AIG1: variants seen among roughly 807,000 people sequenced by gnomAD.
AIG1 encodes the protein androgen-induced gene 1 protein.
AIG1 carries 23 observed loss-of-function variants against 31.4 expected under a neutral mutation model. The observed-to-expected ratio is 0.73, with a 90% confidence interval of 0.53 to 1.04. The LOEUF is 1.04. Among genes scored for constraint, AIG1 ranks in the 50% least tolerant of loss-of-function variants. AIG1 has a pLI of 0.00. For synonymous variants in AIG1, 100 were observed against 110.5 expected (o/e 0.90, Z 0.60); for missense variants, 274 against 295.0 (o/e 0.93, Z 0.52).
At chr6:143,197,715 A>G (rs1161489259) in intron 3 of AIG1, among the ~76,000 whole-genome samples, 1 of 152,212 alleles carries the variant, frequency 6.6e-6, no homozygotes, top group Non-Finnish European at 1.5e-5. Context: ...GCCAGCCTAG[A>G]TCCTTGAATA....
Position 143,093,668 on chromosome 6 carries a change from A to G in AIG1, c.141+32602A>G, listed in dbSNP as rs79153686. On this transcript the variant is annotated intron_variant, in intron 1 of 5. Coordinates refer to ENST00000357847, the MANE Select transcript of AIG1 (RefSeq NM_016108.4). Reference sequence around the variant, plus strand: ...TCTGGTTTCCTCACCAGGCTTAATCATTTCTAGCTTTTGCTTTAAAGTGAG... The same window carrying G: ...TCTGGTTTCCTCACCAGGCTTAATCGTTTCTAGCTTTTGCTTTAAAGTGAG... Among the ~76,000 whole-genome samples, 1,464 of 152,222 alleles carry G rather than the reference A, an allele frequency of 9.6e-3. 17 individuals are homozygous for G. The highest frequency in any genetic ancestry group is 0.026 in the African/African-American group (1,100 of 41,514).
chr6:143,260,017 CTTT>C (rs35620148), intron 3 of AIG1, among the ~76,000 whole-genome samples: 8 of 85,110 alleles, frequency 9.4e-5, no homozygotes, highest in Admixed American at 3.0e-4. Flanking sequence ...TCTTGTGCTT[CTTT>C]TTTTTTTTTT....
chr6:143,193,034 A>G (rs1008475696), intron 3 of AIG1, among the ~76,000 whole-genome samples: 3 of 152,224 alleles, frequency 2.0e-5, no homozygotes, highest in Non-Finnish European at 2.9e-5. Flanking sequence ...GAATCTGTCC[A>G]TGATGGTGCA....
chr6:143,341,909 G>A (rs1332641355), downstream of AIG1, among the ~76,000 whole-genome samples: 2 of 152,100 alleles, frequency 1.3e-5, no homozygotes, highest in African/African-American at 4.8e-5. Context: ...CTGGGATATC[G>A]AATGAAGGTA....
chr6:143,191,928 T>TA (rs34004901), intron 3 of AIG1, among the ~76,000 whole-genome samples: 62,139 of 152,038 alleles, frequency 0.41, 13,473 homozygotes, highest in Non-Finnish European at 0.49. Flanking sequence ...AAAGTTTTGT[T>TA]ATATAAGTGG....
chr6:143,082,188 C>T (rs554472598), intron 1 of AIG1, among the ~76,000 whole-genome samples: 28 of 152,260 alleles, frequency 1.8e-4, no homozygotes, highest in Middle Eastern at 3.4e-3. Flanking sequence ...GCCTGAGTGA[C>T]GGCTATTAGT....
At chr6:143,144,264 A>C (rs73777889) in intron 2 of AIG1, among the ~76,000 whole-genome samples, 112 of 152,332 alleles carry the variant, frequency 7.4e-4, no homozygotes, top group African/African-American at 2.6e-3. Context: ...AGTTCTTGTT[A>C]AATCAGTGAT....
chr6:143,230,473 T>C (rs921900096), intron 3 of AIG1, among the ~76,000 whole-genome samples: 2 of 150,016 alleles, frequency 1.3e-5, no homozygotes, highest in Non-Finnish European at 3.0e-5. Flanking sequence ...AAATAAGATA[T>C]ACTATTAAAG....
At chr6:143,290,009 G>C (rs1797946862) in intron 4 of AIG1, among the ~76,000 whole-genome samples, 1 of 152,112 alleles carries the variant, frequency 6.6e-6, no homozygotes, top group South Asian at 2.1e-4. Flanking sequence ...CACCATAGCT[G>C]TTGACTTTTA....
intron 3 of AIG1, among the ~76,000 whole-genome samples, chr6:143,191,473 A>T (rs1005261045): frequency 6.6e-6 from 1 of 152,178 alleles, no homozygotes; most frequent in African/African-American, 2.4e-5. Context: ...ACAGAAAAAA[A>T]ACTTACTTGT....
chr6:143,236,609 C>A (rs1363804979), intron 3 of AIG1, among the ~76,000 whole-genome samples: 2 of 152,228 alleles, frequency 1.3e-5, no homozygotes, highest in African/African-American at 4.8e-5. Context: ...TCCAGCCAAG[C>A]TGGCAACCGT....
chr6:143,304,356 G>A (rs1186453737), intron 4 of AIG1, among the ~76,000 whole-genome samples: 8 of 151,168 alleles, frequency 5.3e-5, no homozygotes, highest in Admixed American at 3.9e-4. Context: ...GATATTGGCT[G>A]TGGGTTTGTC....
At chr6:143,290,461 G>A (rs571189844) in intron 4 of AIG1, among the ~76,000 whole-genome samples, 9 of 152,298 alleles carry the variant, frequency 5.9e-5, no homozygotes, top group Admixed American at 1.3e-4. Context: ...TGTGTTTACC[G>A]GAGTTGCGCG....
rs140549497 is a variant in AIG1 at position 143,212,505 on chromosome 6, G to A, written c.399+47322G>A. ...GTTTTCTACCTCACTCTTAGAACAG[G>A]GTCTAAGGCAATGACTTCCAGACAC... On this transcript the variant is annotated intron_variant, in intron 3 of 5. Coordinates refer to ENST00000357847, the MANE Select transcript of AIG1 (RefSeq NM_016108.4). Among the ~76,000 whole-genome samples the A allele has an allele frequency of 7.7e-4, 117 of 152,160 alleles. 2 individuals are homozygous for A. The highest frequency in any genetic ancestry group is 2.7e-3 in the African/African-American group (111 of 41,508).
At chr6:143,062,979 G>A (rs1776388291) in intron 1 of AIG1, among the ~76,000 whole-genome samples, 1 of 152,212 alleles carries the variant, frequency 6.6e-6, no homozygotes, top group Non-Finnish European at 1.5e-5. Context: ...CACTCTTGCA[G>A]TAGATGCTGT....
intron 1 of AIG1, among the ~76,000 whole-genome samples, chr6:143,086,630 A>G (rs1388919222): frequency 3.9e-5 from 6 of 152,150 alleles, no homozygotes; most frequent in East Asian, 1.9e-4. Flanking sequence ...GGCCCTAAGG[A>G]CACAGTGTAG....
chr6:143,218,749 T>C (rs1185682600), intron 3 of AIG1, among the ~76,000 whole-genome samples: 1 of 152,208 alleles, frequency 6.6e-6, no homozygotes, highest in Non-Finnish European at 1.5e-5. Flanking sequence ...GGACGCTTCA[T>C]TCATTCTCAA....
chr6:143,128,747 G>C lies in AIG1; in HGVS notation c.142-8088G>C, dbSNP rs1043929049. 3.9e-5 allele frequency among the ~76,000 whole-genome samples: 6 copies of C among 152,324 alleles called. No individual in the cohort carries two copies. In the South Asian group the frequency reaches 1.2e-3, roughly 32 times the overall value. ...ACAGAAAAACACACATAAAATGTCT[G>C]TAATGGGATTTGTTAACTGTCAGTT... On this transcript the variant is annotated intron_variant, in intron 1 of 5. Transcript: ENST00000357847.
rs1784421929 is a variant in AIG1, at chr6:143,143,520, AAAAAAAAAATATATATATATATAT to A, written c.297+6532_297+6555del. On this transcript the variant is annotated intron_variant, in intron 2 of 5. Transcript: ENST00000357847. ...CATCTCAAAAAAAAAAAAAAAAAAAAAAAAAAAAATATATATATATATATATATATATATACACACACACTTAAT... is the reference window on the plus strand; with the variant it reads ...CATCTCAAAAAAAAAAAAAAAAAAAAATATATATATACACACACACTTAAT... 2.2e-5 allele frequency among the ~76,000 whole-genome samples: 2 copies of A among 92,278 alleles called. 1 individual carries two copies. Among genetic ancestry groups the A allele is most frequent in the African/African-American group, 9.2e-5 (2 of 21,666 alleles). 60.5% of individuals were successfully genotyped at this position (92,278 alleles called of 152,430 possible).
Sources: gnomAD v4.1 joint callset for allele counts (sites outside exome capture counted in the v4.1 genomes callset) on GRCh38, gnomAD v4.1.1 for gene constraint, MANE v1.5 for transcripts, NCBI Gene and HGNC (gene_info 2026-07-23, HGNC 2026-07-21) for gene names.